RALGAPA2: variants seen among roughly 807,000 people sequenced by gnomAD.
RALGAPA2 encodes ral GTPase-activating protein subunit alpha-2.
RALGAPA2 carries 139 observed loss-of-function variants against 230.4 expected under a neutral mutation model. The ratio of observed to expected loss-of-function variants is 0.60; its 90% confidence interval spans 0.53 to 0.69. RALGAPA2 has a LOEUF of 0.69. Among genes scored for constraint, RALGAPA2 ranks in the 30% least tolerant of loss-of-function variants. The probability of loss-of-function intolerance (pLI) is 0.00; values close to 1 mark genes in which losing one functional copy is unlikely to be tolerated. For synonymous variants in RALGAPA2, 847 were observed against 837.8 expected (o/e 1.01, Z -0.19); for missense variants, 2,163 against 2,276.0 (o/e 0.95, Z 1.01).
At chr20:20,452,786 T>C (rs1288208062) in intron 37 of RALGAPA2, among the ~76,000 whole-genome samples, 1 of 152,226 alleles carries the variant, frequency 6.6e-6, no homozygotes, top group African/African-American at 2.4e-5. Context: ...AAATCAGCTG[T>C]AAATCACAAG....
At chr20:20,691,616 AG>A (rs2068911461) in intron 1 of RALGAPA2, among the ~76,000 whole-genome samples, 1 of 152,168 alleles carries the variant, frequency 6.6e-6, no homozygotes, top group African/African-American at 2.4e-5. Context: ...CACAGTGCTA[AG>A]GAGTTCCACA....
intron 20 of RALGAPA2, 58 bp downstream of exon 20, chr20:20,582,992 T>G: frequency 1.3e-6 from 2 of 1,544,122 alleles, no homozygotes; most frequent in Non-Finnish European, 1.8e-6. Context: ...ACTCCAATGA[T>G]TCACAACTGA....
At chr20:20,696,090 G>T (rs1223035690) in intron 1 of RALGAPA2, among the ~76,000 whole-genome samples, 1 of 152,072 alleles carries the variant, frequency 6.6e-6, no homozygotes. Context: ...CCGCTGTGTG[G>T]GCCCATTACA....
intron 4 of RALGAPA2, among the ~76,000 whole-genome samples, chr20:20,647,538 G>C (rs1009617457): frequency 6.6e-6 from 1 of 152,210 alleles, no homozygotes; most frequent in Non-Finnish European, 1.5e-5. Flanking sequence ...AAAGATCTTT[G>C]TGACTTTGGG....
At chr20:20,640,541 T>C (rs2066997679) in intron 6 of RALGAPA2, among the ~76,000 whole-genome samples, 160 bp downstream of exon 6, 1 of 152,260 alleles carries the variant, frequency 6.6e-6, no homozygotes, top group South Asian at 2.1e-4. Context: ...TCCAAGTCTT[T>C]TGATTCTAAG....
chr20:20,597,790 G>T (rs1344668660), intron 16 of RALGAPA2, among the ~76,000 whole-genome samples: 1 of 152,108 alleles, frequency 6.6e-6, no homozygotes, highest in African/African-American at 2.4e-5. Flanking sequence ...AGTGAGCCGA[G>T]ATCATGCCAC....
intron 37 of RALGAPA2, among the ~76,000 whole-genome samples, chr20:20,457,152 C>G (rs951927292): frequency 6.6e-6 from 1 of 152,184 alleles, no homozygotes; most frequent in African/African-American, 2.4e-5. Flanking sequence ...TCAGACTGTC[C>G]TAGGTCAGGT....
At chr20:20,640,592 C>G in intron 6 of RALGAPA2, 109 bp downstream of exon 6, 1 of 1,085,794 alleles carries the variant, frequency 9.2e-7, no homozygotes, top group Non-Finnish European at 1.3e-6. Context: ...GGGAATAATT[C>G]CTCTTCAGAC....
At chr20:20,543,012 C>CAAA (rs2063690084) in intron 24 of RALGAPA2, among the ~76,000 whole-genome samples, 1 of 152,004 alleles carries the variant, frequency 6.6e-6, no homozygotes, top group African/African-American at 2.4e-5. Context: ...ATCTAACCAT[C>CAAA]AAAGGGCTAA....
At chr20:20,441,413 T>C (rs1204347188) in intron 37 of RALGAPA2, among the ~76,000 whole-genome samples, 2 of 152,196 alleles carry the variant, frequency 1.3e-5, no homozygotes, top group East Asian at 1.9e-4. Context: ...GCTAGCCTTG[T>C]TGAAACAAAC....
At chr20:20,581,826 G>C (rs906991000) in intron 20 of RALGAPA2, among the ~76,000 whole-genome samples, 2 of 151,118 alleles carry the variant, frequency 1.3e-5, no homozygotes, top group Non-Finnish European at 3.0e-5. Context: ...AGTTTGCTTG[G>C]TTTAAAAAAA....
chr20:20,677,510 A>C (rs1409955208), intron 2 of RALGAPA2, among the ~76,000 whole-genome samples: 3 of 150,612 alleles, frequency 2.0e-5, no homozygotes, highest in Non-Finnish European at 4.4e-5. Flanking sequence ...GGAGAAGCTG[A>C]GGTTGGAGAG....
intron 37 of RALGAPA2, among the ~76,000 whole-genome samples, chr20:20,425,112 T>C (rs2060354886): frequency 6.6e-6 from 1 of 152,218 alleles, no homozygotes; most frequent in Non-Finnish European, 1.5e-5. Context: ...TTAAATAGGA[T>C]CATGATATAT....
chr20:20,410,419 C>T (rs1199009199), intron 38 of RALGAPA2, among the ~76,000 whole-genome samples: 3 of 152,112 alleles, frequency 2.0e-5, no homozygotes. Context: ...AAAGCTTTCT[C>T]AAGAGTTAAA....
At position 20,603,367 on chromosome 20, in the gene RALGAPA2, C is replaced by T. The variant is rs1224115120; in HGVS notation, c.2039-1521G>A. ...ATTTCAATGAAGATATAAGAATCCA[C>T]CACATTTATTATACGTGTATATGGT... On this transcript the variant is annotated intron_variant, in intron 15 of 39. Coordinates refer to ENST00000202677, the MANE Select transcript of RALGAPA2 (RefSeq NM_020343.4). Among the ~76,000 whole-genome samples the T allele has an allele frequency of 2.0e-5, 3 of 152,206 alleles. No homozygotes were observed. The East Asian group carries it at 5.8e-4, about 29-fold the overall frequency.
At chr20:20,425,193 A>T (rs1392375440) in intron 37 of RALGAPA2, among the ~76,000 whole-genome samples, 1 of 152,230 alleles carries the variant, frequency 6.6e-6, no homozygotes, top group Non-Finnish European at 1.5e-5. Flanking sequence ...TACTCTGGTT[A>T]TCCATTCCTT....
rs533287663 is a variant in RALGAPA2 at position 20,698,921 on chromosome 20, C to G, written c.106+13454G>C. On this transcript the variant is annotated intron_variant, in intron 1 of 39. Coordinates refer to ENST00000202677, the MANE Select transcript of RALGAPA2 (RefSeq NM_020343.4). ...TCCTATCAAAAATGGAGACAGCTTA[C>G]ACAGTATACTATCATCAGAGAAAAA... 2.0e-5 allele frequency among the ~76,000 whole-genome samples: 3 copies of G among 152,290 alleles called. No homozygotes were observed. The South Asian group carries it at 6.2e-4, about 32-fold the overall frequency.
chr20:20,600,898 G>A (rs2065621241), intron 16 of RALGAPA2, among the ~76,000 whole-genome samples: 1 of 152,112 alleles, frequency 6.6e-6, no homozygotes, highest in Non-Finnish European at 1.5e-5. Context: ...TCAGGAATTC[G>A]AGACCAGCCT....
At chr20:20,545,772 A>C (rs1165740501) in intron 24 of RALGAPA2, among the ~76,000 whole-genome samples, 2 of 152,242 alleles carry the variant, frequency 1.3e-5, no homozygotes, top group Non-Finnish European at 2.9e-5. Flanking sequence ...AAAGGCATTA[A>C]GATATTGCTT....
Sources: gnomAD v4.1 joint callset for allele counts (sites outside exome capture counted in the v4.1 genomes callset) on GRCh38, gnomAD v4.1.1 for gene constraint, MANE v1.5 for transcripts, NCBI Gene and HGNC (gene_info 2026-07-23, HGNC 2026-07-21) for gene names.